The following GRIP1 variants were observed in gnomAD, a reference collection of about 807,000 sequenced individuals.
The protein encoded by GRIP1 is glutamate receptor-interacting protein 1.
GRIP1 carries 45 observed loss-of-function variants against 129.9 expected under a neutral mutation model. The observed-to-expected ratio is 0.35, with a 90% CI of 0.27 to 0.44. The LOEUF (loss-of-function observed/expected upper bound fraction) is 0.44, where lower values mean the gene tolerates loss of function less well. Ranked by LOEUF, GRIP1 falls within the 20% of genes least tolerant of loss-of-function variation. The probability of loss-of-function intolerance (pLI) is 1.00; values close to 1 mark genes in which losing one functional copy is unlikely to be tolerated. For synonymous variants in GRIP1, 530 were observed against 520.8 expected (o/e 1.02, Z -0.24); for missense variants, 1,196 against 1,396.8 (o/e 0.86, Z 2.29).
At chr12:66,609,177 A>C (rs2064682222) in intron 1 of GRIP1, among the ~76,000 whole-genome samples, 1 of 152,078 alleles carries the variant, frequency 6.6e-6, no homozygotes, top group African/African-American at 2.4e-5. Flanking sequence ...AATCAGAGAC[A>C]GGATTCTAAC....
chr12:67,044,350 GC>G lies in GRIP1; in HGVS notation c.58+24699del, dbSNP rs2043222601. Among the ~76,000 whole-genome samples, 3 of 152,164 alleles carry G rather than the reference GC, an allele frequency of 2.0e-5. No homozygotes were observed. The South Asian group carries it at 6.2e-4, about 31-fold the overall frequency. On this transcript the variant is annotated intron_variant, in intron 1 of 1. Transcript: ENST00000643019. ...ACTAGGATTTGTAGATACTAAAGAA[GC>G]AAATCAGAAATTAAGCTGCTTGGAT...
At chr12:66,356,880 T>A (rs1203505148) in intron 23 of GRIP1, among the ~76,000 whole-genome samples, 1 of 152,152 alleles carries the variant, frequency 6.6e-6, no homozygotes, top group Non-Finnish European at 1.5e-5. Flanking sequence ...ATTTTATTTT[T>A]AATTTTTTGA....
chr12:66,959,697 G>C (rs987918183), intron 1 of GRIP1, among the ~76,000 whole-genome samples: 6 of 151,926 alleles, frequency 3.9e-5, no homozygotes, highest in Non-Finnish European at 8.8e-5. Context: ...AAATATATAT[G>C]TATCTCTTTC....
intron 1 of GRIP1, among the ~76,000 whole-genome samples, chr12:66,935,561 C>A (rs2041469900): frequency 6.6e-6 from 1 of 152,128 alleles, no homozygotes; most frequent in Non-Finnish European, 1.5e-5. Context: ...ATGATTCAAT[C>A]AATCATGGCC....
intron 2 of GRIP1, among the ~76,000 whole-genome samples, chr12:66,556,098 G>A (rs10784554): frequency 0.41 from 62,398 of 151,728 alleles, 12,997 homozygotes; most frequent in African/African-American, 0.46. Flanking sequence ...AACAGATTGA[G>A]CCCAAAGAAG....
At chr12:66,535,360 T>C (rs1479760881) in intron 4 of GRIP1, among the ~76,000 whole-genome samples, 1 of 147,836 alleles carries the variant, frequency 6.8e-6, no homozygotes, top group Admixed American at 6.9e-5. Flanking sequence ...TCATTTAAAG[T>C]TAAAAAAAAA....
intron 1 of GRIP1, among the ~76,000 whole-genome samples, chr12:67,016,367 A>G (rs1485095374): frequency 6.6e-6 from 1 of 152,156 alleles, no homozygotes; most frequent in African/African-American, 2.4e-5. Context: ...ATAATCACTA[A>G]TATCATGACC....
Position 66,618,641 on chromosome 12 carries a change from T to G in GRIP1, c.56-21714A>C, listed in dbSNP as rs564066511. Among the ~76,000 whole-genome samples the G allele has an allele frequency of 8.0e-4, 122 of 152,296 alleles. 4 individuals are homozygous for G. The highest frequency in any genetic ancestry group is 7.3e-3 in the Admixed American group (112 of 15,282). ...ACTTAAAATATCTTTTGCAACTTTC[T>G]TTGCCAACAAAGTCTAGTAAATATA... is the stretch of plus-strand genomic sequence containing the variant. On this transcript the variant is annotated intron_variant, in intron 1 of 24. Coordinates refer to ENST00000359742, the MANE Select transcript of GRIP1 (RefSeq NM_001366722.1).
chr12:67,058,431 A>T (rs1028531938), intron 1 of GRIP1, among the ~76,000 whole-genome samples: 9 of 152,238 alleles, frequency 5.9e-5, no homozygotes, highest in African/African-American at 2.2e-4. Flanking sequence ...TCACACAAGA[A>T]GTCTTGAGTA....
At chr12:66,915,680 T>C (rs1038092216) in intron 1 of GRIP1, among the ~76,000 whole-genome samples, 1 of 152,164 alleles carries the variant, frequency 6.6e-6, no homozygotes, top group African/African-American at 2.4e-5. Flanking sequence ...TTAAACAGGG[T>C]GGGGCCTATG....
upstream of GRIP1, among the ~76,000 whole-genome samples, chr12:66,805,610 G>A (rs189778433): frequency 3.3e-5 from 5 of 152,246 alleles, no homozygotes; most frequent in East Asian, 7.7e-4. Flanking sequence ...CAAGTTTGTA[G>A]GATCATCCCA....
At chr12:66,737,735 T>A (rs772041846) in intron 1 of GRIP1, among the ~76,000 whole-genome samples, 1 of 152,156 alleles carries the variant, frequency 6.6e-6, no homozygotes, top group Admixed American at 6.5e-5. Context: ...TACTCTTTTA[T>A]TTTGCCCATT....
chr12:66,875,882 G>C (rs374518484), intron 1 of GRIP1, among the ~76,000 whole-genome samples: 1 of 152,152 alleles, frequency 6.6e-6, no homozygotes, highest in South Asian at 2.1e-4. Context: ...AATCATTAAA[G>C]CAGCTAAATT....
At chr12:66,630,407 G>A (rs1462105784) in intron 1 of GRIP1, 1 of 152,052 alleles carries the variant, frequency 6.6e-6, no homozygotes, top group African/African-American at 2.4e-5. Flanking sequence ...CTCTGGATGT[G>A]GACTTTTTCC....
chr12:66,462,758 T>C (rs1188059425), intron 9 of GRIP1, among the ~76,000 whole-genome samples, 166 bp downstream of exon 9: 1 of 137,586 alleles, frequency 7.3e-6, no homozygotes, highest in South Asian at 2.3e-4. Flanking sequence ...ACCGAGATCA[T>C]GCTACTGCAT....
chr12:66,789,455 T>C (rs951068082), intron 1 of GRIP1, among the ~76,000 whole-genome samples: 1 of 152,190 alleles, frequency 6.6e-6, no homozygotes, highest in Non-Finnish European at 1.5e-5. Context: ...TATCAACTTA[T>C]AAGATGGCTA....
At chr12:66,429,735 G>C (rs1272541083) in intron 14 of GRIP1, among the ~76,000 whole-genome samples, 1 of 151,974 alleles carries the variant, frequency 6.6e-6, no homozygotes, top group Non-Finnish European at 1.5e-5. Context: ...TATTTCAAAA[G>C]GCTCTGTGTG....
At chr12:67,047,805 G>A (rs1362215713) in intron 1 of GRIP1, among the ~76,000 whole-genome samples, 3 of 152,106 alleles carry the variant, frequency 2.0e-5, no homozygotes, top group Non-Finnish European at 4.4e-5. Flanking sequence ...TTGAATTACT[G>A]AGTCACGGTT....
intron 1 of GRIP1, among the ~76,000 whole-genome samples, chr12:66,640,204 T>C (rs531091225): frequency 3.6e-4 from 55 of 152,322 alleles, no homozygotes; most frequent in African/African-American, 1.3e-3. Flanking sequence ...GTTATGCTTA[T>C]TTGAATTACT....
Sources: allele counts gnomAD v4.1 joint callset (sites outside exome capture counted in the v4.1 genomes callset), GRCh38; gene constraint gnomAD v4.1.1; transcripts MANE v1.5; gene names NCBI Gene and HGNC (gene_info 2026-07-23, HGNC 2026-07-21).